The following TBXAS1 variants were observed in gnomAD, a reference collection of about 807,000 sequenced individuals.
TBXAS1 encodes thromboxane A synthase 1, also known as thromboxane-A synthase.
A neutral mutation model predicts 60.7 loss-of-function variants in TBXAS1; 48 were observed. That is an observed-to-expected ratio of 0.79 (90% CI 0.63 to 1.01). The LOEUF is 1.01. TBXAS1 is among the 50% of genes least tolerant of loss of function. The pLI is 0.00. For synonymous variants in TBXAS1, 287 were observed against 269.7 expected, an observed-to-expected ratio of 1.06 and a Z score of -0.63; for missense variants, 685 against 686.3, an observed-to-expected ratio of 1.00 and a Z score of 0.02.
chr7:139,927,015 G>A (rs1806936826), intron 4 of TBXAS1, among the ~76,000 whole-genome samples: 1 of 151,348 alleles, frequency 6.6e-6, no homozygotes, highest in South Asian at 2.1e-4. Flanking sequence ...TTTGTTTCTT[G>A]AGACAGTCTC....
chr7:139,991,411 G>A (rs1569523322), intron 9 of TBXAS1, among the ~76,000 whole-genome samples: 1 of 150,198 alleles, frequency 6.7e-6, no homozygotes, highest in South Asian at 2.1e-4. Flanking sequence ...CCCAGGGACT[G>A]TGCATCACCC....
At chr7:139,881,603 T>C (rs1395587426) in intron 3 of TBXAS1, among the ~76,000 whole-genome samples, 1 of 152,228 alleles carries the variant, frequency 6.6e-6, no homozygotes, top group African/African-American at 2.4e-5. Context: ...AGGGCTGCAC[T>C]GAATATCCTC....
In TBXAS1 at chr7:139,923,370, C is replaced by T. The variant is rs148857212; in HGVS notation, c.333+12049C>T. Among the ~76,000 whole-genome samples the T allele has an allele frequency of 2.2e-3, 330 of 151,924 alleles. 3 individuals carry two copies. The highest frequency in any genetic ancestry group is 7.3e-3 in the African/African-American group (304 of 41,412). On this transcript the variant is annotated intron_variant, in intron 4 of 12. Coordinates refer to ENST00000448866, the MANE Select transcript of TBXAS1 (RefSeq NM_001061.7). ...AAGAGAGAGAAACAGAGAGAGATGG[C>T]GGTATAAATTCTCGTGGTTATTCTA...
Position 140,015,831 on chromosome 7 carries a change from G to A in TBXAS1, c.1335G>A (p.Trp445Ter), listed in dbSNP as rs780174620. The change falls in exon 11 of 13, where the codon TGG (tryptophan) becomes TGA (stop). Residue 445 changes from tryptophan (W) to a stop codon, truncating the protein, a stop_gained. Transcript: ENST00000448866. LOFTEE classifies it high-confidence loss of function. ...CCCTGCACCATGACCCTGAGCACTG[G>A]CCAAGCCCGGAGACCTTCAACCCTG... ...VGALHHDPEHWPSPETFNPER... is the reference protein window; with the variant it reads ...VGALHHDPEH 7 of 1,613,692 alleles carry A rather than the reference G, an allele frequency of 4.3e-6. No homozygotes were observed. In the South Asian group the frequency reaches 5.5e-5, roughly 13 times the overall value.
intron 9 of TBXAS1, among the ~76,000 whole-genome samples, chr7:139,979,993 GT>G (rs1811854322): frequency 6.6e-6 from 1 of 151,516 alleles, no homozygotes; most frequent in Admixed American, 6.6e-5. Context: ...CGTCGCCTGG[GT>G]TTCTTTCCTT....
At chr7:139,785,452 C>T (rs1340271407) in intron 3 of TBXAS1, among the ~76,000 whole-genome samples, 5 of 143,876 alleles carry the variant, frequency 3.5e-5, no homozygotes, top group African/African-American at 1.3e-4. Flanking sequence ...AGGTCAACTG[C>T]CAGGACCCAT....
chr7:139,801,901 C>G (rs1489395997), intron 4 of TBXAS1, among the ~76,000 whole-genome samples: 1 of 152,146 alleles, frequency 6.6e-6, no homozygotes, highest in Non-Finnish European at 1.5e-5. Flanking sequence ...GTAGGTGGGA[C>G]TACAGATGCA....
chr7:139,905,043 CT>C (rs1491411132), intron 3 of TBXAS1, among the ~76,000 whole-genome samples: 1 of 85,746 alleles, frequency 1.2e-5, no homozygotes, highest in Admixed American at 1.3e-4. Context: ...TTCTTTCTTT[CT>C]TTCTTTCTTT....
chr7:139,952,360 G>C (rs1288038241), intron 5 of TBXAS1, among the ~76,000 whole-genome samples: 1 of 152,176 alleles, frequency 6.6e-6, no homozygotes, highest in Non-Finnish European at 1.5e-5. Context: ...TAAAAATGAA[G>C]AAACAGACTA....
At chr7:139,955,756 C>T (rs1168266675) in intron 7 of TBXAS1, 149 bp downstream of exon 7, 44 of 1,198,936 alleles carry the variant, frequency 3.7e-5, no homozygotes, top group Non-Finnish European at 4.9e-5. Flanking sequence ...CTTATGGAGC[C>T]ACCGGGTTCC....
intron 1 of TBXAS1, 84 bp downstream of exon 1, chr7:139,829,563 G>C (rs1339152653): frequency 7.6e-7 from 1 of 1,312,576 alleles, no homozygotes; most frequent in East Asian, 2.4e-5. Context: ...GGGTATGTGG[G>C]AGTGTGTTTT....
intron 4 of TBXAS1, among the ~76,000 whole-genome samples, chr7:139,792,248 C>T (rs2117250606): frequency 6.6e-6 from 1 of 152,244 alleles, no homozygotes; most frequent in Admixed American, 6.5e-5. Flanking sequence ...AGGAATAGAT[C>T]AGCTCATCAG....
chr7:139,826,132 C>G (rs568191860), upstream of TBXAS1, among the ~76,000 whole-genome samples: 69 of 152,310 alleles, frequency 4.5e-4, no homozygotes, highest in African/African-American at 1.4e-3. Flanking sequence ...CATGCCACCC[C>G]CTCCATGCTG....
chr7:139,781,571 C>T (rs1796990224), intron 2 of TBXAS1, among the ~76,000 whole-genome samples: 1 of 152,160 alleles, frequency 6.6e-6, no homozygotes, highest in Non-Finnish European at 1.5e-5. Flanking sequence ...GTGGCTCACG[C>T]CTGTAATCCC....
chr7:140,011,845 T>C (rs1814645046), intron 10 of TBXAS1, among the ~76,000 whole-genome samples: 1 of 151,804 alleles, frequency 6.6e-6, no homozygotes, highest in Non-Finnish European at 1.5e-5. Flanking sequence ...TCTATATATA[T>C]ATATATCCAC....
At chr7:139,905,057 T>TTCTTTCTTTCTCTC (rs1247644902) in intron 3 of TBXAS1, among the ~76,000 whole-genome samples, 2 of 107,494 alleles carry the variant, frequency 1.9e-5, no homozygotes, top group Non-Finnish European at 3.7e-5. Flanking sequence ...CTTTCTTTCT[T>TTCTTTCTTTCTCTC]TCTCTCTCTC....
chr7:139,895,000 A>G (rs974486836), intron 3 of TBXAS1, among the ~76,000 whole-genome samples: 102 of 152,228 alleles, frequency 6.7e-4, no homozygotes, highest in Non-Finnish European at 1.3e-3. Flanking sequence ...ATAGTGGCTG[A>G]CTTCTACAAG....
At chr7:139,833,929 T>C (rs980275322) in intron 1 of TBXAS1, among the ~76,000 whole-genome samples, 1 of 151,576 alleles carries the variant, frequency 6.6e-6, no homozygotes, top group Admixed American at 6.6e-5. Flanking sequence ...AAAGAAACAA[T>C]GGATTTAAAC....
intron 3 of TBXAS1, among the ~76,000 whole-genome samples, chr7:139,888,873 A>G (rs1803329855): frequency 6.6e-6 from 1 of 152,080 alleles, no homozygotes; most frequent in South Asian, 2.1e-4. Context: ...TGGGTTATTT[A>G]AAGAAAGTTG....
Sources: gnomAD v4.1 joint callset for allele counts (sites outside exome capture counted in the v4.1 genomes callset) on GRCh38, gnomAD v4.1.1 for gene constraint, MANE v1.5 for transcripts, NCBI Gene and HGNC (gene_info 2026-07-23, HGNC 2026-07-21) for gene names.